Variants in CD2AP observed in about 807,000 individuals in gnomAD.
CD2AP encodes the protein CD2 associated protein.
In CD2AP, 46 loss-of-function variants were observed where a neutral mutation model predicts 85.1. The ratio of observed to expected loss-of-function variants is 0.54; its 90% CI spans 0.43 to 0.69. CD2AP has a LOEUF of 0.69. Ranked by LOEUF, CD2AP falls within the 30% of genes least tolerant of loss-of-function variation. The pLI, the probability that CD2AP is intolerant of heterozygous loss-of-function variation, is 0.00. For synonymous variants in CD2AP, 255 were observed against 252.9 expected, an observed-to-expected ratio of 1.01 and a Z score of -0.08; for missense variants, 769 against 729.5, an observed-to-expected ratio of 1.05 and a Z score of -0.62.
chr6:47,604,286 G>C (rs1023649590), intron 13 of CD2AP, among the ~76,000 whole-genome samples: 1 of 151,920 alleles, frequency 6.6e-6, no homozygotes, highest in African/African-American at 2.4e-5. Flanking sequence ...TCCAAAATGT[G>C]CACTGTTCCA....
At chr6:47,573,937 A>G (rs1768228302) in intron 5 of CD2AP, 127 bp from the exon 6 acceptor site, 7 of 819,292 alleles carry the variant, frequency 8.5e-6, no homozygotes, top group South Asian at 1.4e-5. Context: ...ATATTTCAGT[A>G]CTGAATAGTT....
intron 2 of CD2AP, among the ~76,000 whole-genome samples, chr6:47,531,241 A>G (rs935024952): frequency 1.3e-5 from 2 of 152,112 alleles, no homozygotes; most frequent in African/African-American, 2.4e-5. Flanking sequence ...TCCTTATTTC[A>G]TGATGCTCCT....
intron 11 of CD2AP, among the ~76,000 whole-genome samples, chr6:47,591,662 C>G (rs990481645): frequency 1.6e-4 from 24 of 152,038 alleles, no homozygotes; most frequent in Admixed American, 4.6e-4. Context: ...TGACCCTCAT[C>G]TGAATTAATA....
chr6:47,550,302 A>C (rs751994532), intron 4 of CD2AP, among the ~76,000 whole-genome samples: 3 of 152,144 alleles, frequency 2.0e-5, no homozygotes, highest in African/African-American at 4.8e-5. Flanking sequence ...CACAATCTAT[A>C]CATCTGACAA....
Position 47,599,441 on chromosome 6 carries a change from C to G in CD2AP, c.1415C>G (p.Thr472Arg). The G allele has an allele frequency of 6.2e-7, 1 of 1,611,276 alleles. No homozygotes were observed. Among genetic ancestry groups the G allele is most frequent in the East Asian group, 2.2e-5 (1 of 44,660 alleles). The change falls in exon 13 of 18, where the codon ACA becomes AGA. Residue 472 changes from threonine (T) to arginine (R), a missense_variant and splice_region_variant. By Grantham distance (71) the Thr-to-Arg change is moderately conservative. Coordinates refer to ENST00000359314, the MANE Select transcript of CD2AP (RefSeq NM_012120.3). Reference protein sequence around the residue: ...DSLTVRTSKETDVVNFDDIAS... With the variant: ...DSLTVRTSKERDVVNFDDIAS... The stretch of plus-strand genomic sequence containing the variant: ...CTTACAGTAAGGACCTCCAAAGAAA[C>G]AGGTAAGTCAGCATGGACAGCGGTG...
intron 3 of CD2AP, among the ~76,000 whole-genome samples, chr6:47,536,109 T>A (rs1269584769): frequency 6.6e-6 from 1 of 152,206 alleles, no homozygotes; most frequent in East Asian, 1.9e-4. Context: ...AAAGTACATG[T>A]GCTGCAAGGA....
chr6:47,621,236 GAGAGTTTTA>G (rs1000898083), intron 17 of CD2AP, among the ~76,000 whole-genome samples: 40 of 152,186 alleles, frequency 2.6e-4, no homozygotes, highest in African/African-American at 9.2e-4. Flanking sequence ...CAGTTTTGCT[GAGAGTTTTA>G]ATCATAAAGG....
At position 47,533,651 on chromosome 6, in the gene CD2AP, G is replaced by A. The variant is rs141213621; in HGVS notation, c.215G>A (p.Arg72Gln). 3.1e-6 allele frequency: 5 copies of A among 1,614,010 alleles called. No homozygotes were observed. The highest frequency in any genetic ancestry group is 2.7e-5 in the African/African-American group (2 of 75,038). Residue 72 changes from arginine to glutamine, a missense_variant, in exon 3 of 18, where the codon CGG (arginine) becomes CAG (glutamine). Physicochemically the swap from Arg to Gln is conservative, Grantham distance 43 (BLOSUM62 1). Coordinates refer to ENST00000359314, the MANE Select transcript of CD2AP (RefSeq NM_012120.3). ...AAGGATGACAGTTTGCCCATCAAAC[G>A]GGAAAGGCATGGGAATGTAGCAAGT... ...EFKDDSLPIKRERHGNVASLV... is the reference protein window; with the variant it reads ...EFKDDSLPIKQERHGNVASLV...
chr6:47,606,959 G>A (rs771725813), intron 14 of CD2AP, among the ~76,000 whole-genome samples: 1 of 151,596 alleles, frequency 6.6e-6, no homozygotes, highest in Non-Finnish European at 1.5e-5. Flanking sequence ...CATCCCTACC[G>A]CCACCACACT....
chr6:47,511,399 A>C (rs990610849), intron 2 of CD2AP, among the ~76,000 whole-genome samples: 1 of 152,222 alleles, frequency 6.6e-6, no homozygotes, highest in Non-Finnish European at 1.5e-5. Flanking sequence ...GAAGAGGCAA[A>C]GGAGACATAA....
At chr6:47,496,635 G>A (rs111720146) in intron 1 of CD2AP, among the ~76,000 whole-genome samples, 21 of 152,084 alleles carry the variant, frequency 1.4e-4, no homozygotes, top group African/African-American at 7.2e-5. Context: ...ATTCCTGCAC[G>A]TGATATACAA....
At position 47,599,463 on chromosome 6, in the gene CD2AP, G is replaced by A. The variant is rs780669773; in HGVS notation, c.1417+20G>A. 3.9e-5 allele frequency: 63 copies of A among 1,606,498 alleles called. No individual in the cohort carries two copies. The East Asian group carries it at 5.0e-4, about 13-fold the overall frequency. ...AAACAGGTAAGTCAGCATGGACAGCGGTGGTGCATTTAAAAAAAAAAATTG... is the reference window on the plus strand; with the variant it reads ...AAACAGGTAAGTCAGCATGGACAGCAGTGGTGCATTTAAAAAAAAAAATTG... On this transcript the variant is annotated intron_variant, in intron 13 of 17. Coordinates refer to ENST00000359314, the MANE Select transcript of CD2AP (RefSeq NM_012120.3).
chr6:47,621,276 G>GT (rs1220810314), intron 17 of CD2AP, among the ~76,000 whole-genome samples: 1 of 152,120 alleles, frequency 6.6e-6, no homozygotes. Flanking sequence ...GTTGTCGAAT[G>GT]TTTTTTCTGC....
chr6:47,510,764 A>G (rs937915845), intron 2 of CD2AP, among the ~76,000 whole-genome samples: 12 of 152,008 alleles, frequency 7.9e-5, no homozygotes, highest in African/African-American at 2.7e-4. Flanking sequence ...AGCTTTCCTC[A>G]GGTGTGGAAT....
intron 3 of CD2AP, among the ~76,000 whole-genome samples, chr6:47,543,028 G>A (rs1767260851): frequency 6.6e-6 from 1 of 151,436 alleles, no homozygotes. Flanking sequence ...GCGCTCACCT[G>A]TAATCCCAGC....
intron 5 of CD2AP, among the ~76,000 whole-genome samples, chr6:47,563,302 A>C (rs907725329): frequency 6.6e-6 from 1 of 152,212 alleles, no homozygotes; most frequent in Non-Finnish European, 1.5e-5. Flanking sequence ...TAGGTATAGA[A>C]AATGTTGGAG....
chr6:47,544,768 A>AAATTAATTGT (rs1387801719), intron 4 of CD2AP, 62 bp downstream of exon 4: 2 of 983,062 alleles, frequency 2.0e-6, no homozygotes, highest in Non-Finnish European at 3.3e-6. Flanking sequence ...GATTTTAGAA[A>AAATTAATTGT]AATTAATTGT....
chr6:47,556,641 G>T (rs2114066115), intron 5 of CD2AP, among the ~76,000 whole-genome samples: 1 of 152,016 alleles, frequency 6.6e-6, no homozygotes, highest in African/African-American at 2.4e-5. Context: ...GAGCCACTGT[G>T]CCCAGCTGAA....
intron 4 of CD2AP, among the ~76,000 whole-genome samples, chr6:47,549,659 C>T (rs1767460142): frequency 6.6e-6 from 1 of 151,824 alleles, no homozygotes; most frequent in African/African-American, 2.4e-5. Context: ...ACAGATTCAA[C>T]AGAATTCCTA....
Sources: gnomAD v4.1 joint callset for allele counts (sites outside exome capture counted in the v4.1 genomes callset) on GRCh38, gnomAD v4.1.1 for gene constraint, MANE v1.5 for transcripts, NCBI Gene and HGNC (gene_info 2026-07-23, HGNC 2026-07-21) for gene names.